Variants in PLGRKT observed in about 807,000 individuals in gnomAD.
The protein encoded by PLGRKT is plasminogen receptor (KT).
PLGRKT carries 22 observed loss-of-function variants against 18.5 expected under a neutral mutation model. The observed-to-expected ratio is 1.19, with a 90% CI of 0.85 to 1.70. The LOEUF is 1.70. PLGRKT is among the 40% of genes most tolerant of loss of function. The probability of loss-of-function intolerance (pLI) is 0.00; values close to 1 mark genes in which losing one functional copy is unlikely to be tolerated. For missense variants in PLGRKT, 235 were observed against 174.4 expected, an observed-to-expected ratio of 1.35 and a Z score of -1.96; for synonymous variants, 72 against 52.8, an observed-to-expected ratio of 1.36 and a Z score of -1.58.
chr9:5,397,005 C>G (rs1818062582), intron 3 of PLGRKT, among the ~76,000 whole-genome samples: 2 of 151,978 alleles, frequency 1.3e-5, no homozygotes, highest in Admixed American at 6.6e-5. Context: ...TCTACTAAAG[C>G]AGAATTTTTG....
chr9:5,380,370 TA>T (rs71326159), intron 3 of PLGRKT, among the ~76,000 whole-genome samples: 3,215 of 129,330 alleles, frequency 0.025, 90 homozygotes, highest in African/African-American at 0.073. Flanking sequence ...CTGTCTCAAT[TA>T]AAAAAAAAAA....
chr9:5,424,514 C>T (rs961505415), intron 3 of PLGRKT, among the ~76,000 whole-genome samples: 1 of 107,242 alleles, frequency 9.3e-6, no homozygotes, highest in Non-Finnish European at 1.8e-5. Flanking sequence ...TAATATATAA[C>T]ATATAAATAT....
chr9:5,417,917 G>A (rs775477255), intron 3 of PLGRKT, among the ~76,000 whole-genome samples: 8 of 152,164 alleles, frequency 5.3e-5, no homozygotes, highest in Non-Finnish European at 7.4e-5. Context: ...AAGTAGAGAA[G>A]CCAGCACTGC....
chr9:5,375,973 G>C (rs908129042), intron 3 of PLGRKT, among the ~76,000 whole-genome samples: 3 of 151,982 alleles, frequency 2.0e-5, no homozygotes, highest in East Asian at 3.8e-4. Context: ...CGGATGACTC[G>C]GTAAACAAAA....
chr9:5,403,466 C>T (rs942945732), intron 3 of PLGRKT, among the ~76,000 whole-genome samples: 3 of 152,148 alleles, frequency 2.0e-5, no homozygotes, highest in Admixed American at 6.5e-5. Flanking sequence ...CTCAGGTGAT[C>T]CGCCTGCCTC....
chr9:5,437,946 A>T (rs1046867044), upstream of PLGRKT: 1 of 152,220 alleles, frequency 6.6e-6, no homozygotes, highest in South Asian at 2.1e-4. Flanking sequence ...CGCAGCCCTC[A>T]GCTTCTTTAA....
At chr9:5,398,288 T>C (rs10975095) in intron 3 of PLGRKT, among the ~76,000 whole-genome samples, 40,862 of 151,554 alleles carry the variant, frequency 0.27, 6,374 homozygotes, top group African/African-American at 0.39. Context: ...TGCCCAGTCA[T>C]AGGACTGCAG....
chr9:5,385,177 C>G (rs1817818738), intron 3 of PLGRKT, among the ~76,000 whole-genome samples: 1 of 152,118 alleles, frequency 6.6e-6, no homozygotes, highest in Non-Finnish European at 1.5e-5. Flanking sequence ...AACAACAGTA[C>G]ACATTTATGA....
chr9:5,383,378 A>G (rs1197224892), intron 3 of PLGRKT, among the ~76,000 whole-genome samples: 3 of 152,176 alleles, frequency 2.0e-5, no homozygotes, highest in African/African-American at 7.2e-5. Flanking sequence ...TGCTAGCTGG[A>G]TCAGCAAGCA....
At chr9:5,414,696 AAATAACGTCCTC>A (rs1176226853) in intron 3 of PLGRKT, among the ~76,000 whole-genome samples, 2 of 152,226 alleles carry the variant, frequency 1.3e-5, no homozygotes, top group African/African-American at 4.8e-5. Flanking sequence ...AGGAACATGC[AAATAACGTCCTC>A]TGGTTATCGA....
intron 3 of PLGRKT, among the ~76,000 whole-genome samples, chr9:5,430,146 T>C (rs1818792323): frequency 6.6e-6 from 1 of 152,228 alleles, no homozygotes; most frequent in South Asian, 2.1e-4. Context: ...TCATGCTGTT[T>C]GCTGTGCTGT....
intron 3 of PLGRKT, among the ~76,000 whole-genome samples, chr9:5,366,499 G>C (rs1234192523): frequency 6.6e-6 from 1 of 152,064 alleles, no homozygotes; most frequent in African/African-American, 2.4e-5. Flanking sequence ...GATTTTACAG[G>C]CTTATCTGAT....
chr9:5,433,759 C>A (rs1430557381), intron 2 of PLGRKT, among the ~76,000 whole-genome samples: 34 of 139,544 alleles, frequency 2.4e-4, no homozygotes, highest in African/African-American at 9.1e-4. Flanking sequence ...CTTTGCCCGG[C>A]TGCCCCGTCT....
At chr9:5,406,198 T>A (rs542503374) in intron 3 of PLGRKT, among the ~76,000 whole-genome samples, 1 of 152,244 alleles carries the variant, frequency 6.6e-6, no homozygotes, top group Admixed American at 6.5e-5. Context: ...GAAGACAGTA[T>A]GGCAATTTCT....
At chr9:5,422,617 A>G (rs1000289106) in intron 3 of PLGRKT, among the ~76,000 whole-genome samples, 2 of 152,238 alleles carry the variant, frequency 1.3e-5, no homozygotes, top group Non-Finnish European at 2.9e-5. Flanking sequence ...ACACAACTGT[A>G]AAAGACACTT....
intron 3 of PLGRKT, among the ~76,000 whole-genome samples, chr9:5,407,232 C>A (rs1207883936): frequency 1.3e-5 from 2 of 152,030 alleles, no homozygotes; most frequent in African/African-American, 4.8e-5. Context: ...AATTATCTTA[C>A]CATAATAAAT....
chr9:5,362,417 C>T (rs945819077), intron 3 of PLGRKT, among the ~76,000 whole-genome samples: 1 of 152,180 alleles, frequency 6.6e-6, no homozygotes, highest in African/African-American at 2.4e-5. Flanking sequence ...AAGTTCTTCA[C>T]CACTTTGTTC....
chr9:5,396,645 A>G (rs1818055198), intron 3 of PLGRKT, among the ~76,000 whole-genome samples: 1 of 152,052 alleles, frequency 6.6e-6, no homozygotes, highest in Non-Finnish European at 1.5e-5. Context: ...AGTTAGTTTT[A>G]GAATTGCATT....
At chr9:5,405,647 T>C (rs1420254919) in intron 3 of PLGRKT, among the ~76,000 whole-genome samples, 1 of 152,142 alleles carries the variant, frequency 6.6e-6, no homozygotes, top group African/African-American at 2.4e-5. Flanking sequence ...CCCAGAACTA[T>C]AAAAACCCTA....
Sources: allele counts gnomAD v4.1 joint callset (sites outside exome capture counted in the v4.1 genomes callset), GRCh38; gene constraint gnomAD v4.1.1; transcripts MANE v1.5; gene names NCBI Gene and HGNC (gene_info 2026-07-23, HGNC 2026-07-21).